The following CFAP54 variants were observed in gnomAD, a reference collection of about 807,000 sequenced individuals.
The protein encoded by CFAP54 is cilia and flagella associated protein 54.
Under a neutral mutation model 370.4 loss-of-function variants are expected in CFAP54, and 290 were observed. The ratio of observed to expected loss-of-function variants is 0.78; its 90% confidence interval spans 0.71 to 0.86. CFAP54 has a LOEUF of 0.86. Ranked by LOEUF, CFAP54 falls within the 40% of genes least tolerant of loss-of-function variation. CFAP54 has a pLI of 0.00. For synonymous variants in CFAP54, 1,206 were observed against 1,236.5 expected (o/e 0.98, Z 0.52); for missense variants, 3,399 against 3,528.7 (o/e 0.96, Z 0.93).
At position 96,503,941 on chromosome 12, in the gene CFAP54, C is replaced by A. The variant is rs892032187; in HGVS notation, c.479C>A (p.Thr160Asn). ...GGAAGATATCTTCAGCAGTTCAATA[C>A]CAATTTTGATGAGAATAAAGTGGAT... ...CYGRYLQQFN[T>N]NFDENKVDVT... The change falls in exon 3 of 68, where the codon ACC becomes AAC. Residue 160 changes from threonine to asparagine, a missense_variant. This residue lies in a region of CFAP54 where 559 missense variants were observed against 576.7 expected (regional missense o/e 0.97). Transcript: ENST00000524981. The A allele has an allele frequency of 5.8e-5, 88 of 1,527,632 alleles. No homozygotes were observed. Among genetic ancestry groups the A allele is most frequent in the Non-Finnish European group, 7.5e-5 (86 of 1,143,734 alleles). The allele number at this position is 1,527,632 out of a possible 1,614,324, so 94.6% of individuals were successfully genotyped here.
At chr12:96,690,396 A>C (rs898812438) in intron 43 of CFAP54, among the ~76,000 whole-genome samples, 1 of 152,226 alleles carries the variant, frequency 6.6e-6, no homozygotes, top group Non-Finnish European at 1.5e-5. Flanking sequence ...AGAAATTCTA[A>C]TTGTTAAAAT....
intron 29 of CFAP54, 63 bp downstream of exon 29, chr12:96,625,870 T>G: frequency 7.9e-7 from 1 of 1,260,578 alleles, no homozygotes; most frequent in Non-Finnish European, 1.1e-6. Flanking sequence ...ATTAATTCTG[T>G]GGATTTTGTT....
chr12:96,721,303 G>C (rs574919158), intron 50 of CFAP54, among the ~76,000 whole-genome samples: 1 of 152,284 alleles, frequency 6.6e-6, no homozygotes, highest in East Asian at 1.9e-4. Flanking sequence ...GTTGTAGGTA[G>C]CTAATTATTT....
At chr12:96,604,837 G>A (rs191253168) in intron 26 of CFAP54, among the ~76,000 whole-genome samples, 11 of 152,346 alleles carry the variant, frequency 7.2e-5, no homozygotes, top group South Asian at 6.2e-4. Context: ...TGGGAAAAGC[G>A]CAGTATTTGG....
In CFAP54 at chr12:96,591,842, G is replaced by A. The variant is rs377307814; in HGVS notation, c.3213-648G>A. Among the ~76,000 whole-genome samples the A allele has an allele frequency of 4.7e-4, 70 of 149,552 alleles. 1 individual carries two copies. In the East Asian group the frequency reaches 0.013, roughly 28 times the overall value. ...GGAGGCGGAGCTTGCAGTGAGTCGA[G>A]ATCGCGCCACTGCACTCCAGCCTGG... is the stretch of plus-strand genomic sequence containing the variant. On this transcript the variant is annotated intron_variant, in intron 23 of 67. Transcript: ENST00000524981.
intron 55 of CFAP54, among the ~76,000 whole-genome samples, chr12:96,744,638 C>A (rs756263289): frequency 3.3e-5 from 5 of 152,134 alleles, no homozygotes; most frequent in Non-Finnish European, 7.4e-5. Flanking sequence ...GTACTTACAT[C>A]TTTAAAAATG....
intron 45 of CFAP54, 127 bp from the exon 46 acceptor site, chr12:96,699,844 A>T (rs1957473317): frequency 2.8e-6 from 2 of 712,828 alleles, no homozygotes; most frequent in East Asian, 5.4e-5. Flanking sequence ...ACATTAATTC[A>T]TAATGCATTA....
intron 50 of CFAP54, among the ~76,000 whole-genome samples, chr12:96,730,675 T>C (rs975692965): frequency 3.3e-5 from 5 of 152,184 alleles, no homozygotes; most frequent in African/African-American, 4.8e-5. Context: ...AAATTGAAAT[T>C]TGGAAGAGGA....
At chr12:96,783,069 A>G (rs1958595722) in intron 60 of CFAP54, among the ~76,000 whole-genome samples, 1 of 152,230 alleles carries the variant, frequency 6.6e-6, no homozygotes, top group Non-Finnish European at 1.5e-5. Flanking sequence ...AAAGAAAATC[A>G]TAGGTAAATG....
chr12:96,717,091 AGAG>A (rs1957691306), intron 48 of CFAP54, among the ~76,000 whole-genome samples: 1 of 152,156 alleles, frequency 6.6e-6, no homozygotes, highest in Admixed American at 6.5e-5. Flanking sequence ...TTTTTATTCT[AGAG>A]GAGAACACTC....
intron 66 of CFAP54, among the ~76,000 whole-genome samples, chr12:96,837,436 A>G (rs1337253511): frequency 2.0e-5 from 3 of 152,004 alleles, no homozygotes; most frequent in Non-Finnish European, 4.4e-5. Context: ...CTTTTCATCA[A>G]TTTCCTCTCC....
At chr12:96,785,125 A>G (rs562450971) in intron 61 of CFAP54, among the ~76,000 whole-genome samples, 5 of 152,334 alleles carry the variant, frequency 3.3e-5, no homozygotes, top group African/African-American at 9.6e-5. Context: ...GTTTAAAAAC[A>G]TCATGATAAG....
At chr12:96,781,612 G>T in intron 60 of CFAP54, among the ~76,000 whole-genome samples, 1 of 152,078 alleles carries the variant, frequency 6.6e-6, no homozygotes, top group East Asian at 1.9e-4. Context: ...AGGCCATAAA[G>T]GTGTGCAGGT....
At chr12:96,492,986 C>CTCTG in intron 1 of CFAP54, among the ~76,000 whole-genome samples, 1 of 143,168 alleles carries the variant, frequency 7.0e-6, no homozygotes, top group East Asian at 2.0e-4. Flanking sequence ...CAGAATGAGA[C>CTCTG]TCTGTCTCAA....
intron 17 of CFAP54, among the ~76,000 whole-genome samples, chr12:96,564,170 T>A (rs955081537): frequency 6.6e-6 from 1 of 152,310 alleles, no homozygotes; most frequent in East Asian, 1.9e-4. Flanking sequence ...AAAGGTAAAG[T>A]CAACAGAAGT....
Position 96,658,052 on chromosome 12 carries a change from G to T in CFAP54, c.5271G>T (p.Val1757=), listed in dbSNP as rs1212103353. ...VLKSLEVLYQ[V]EKWETLVSLA... is the part of the protein sequence containing the mutation. ...AATCTCTGGAAGTTTTATATCAAGTGGAAAAATGGGAAACACTAGTATCTC... is the reference window on the plus strand; with the variant it reads ...AATCTCTGGAAGTTTTATATCAAGTTGAAAAATGGGAAACACTAGTATCTC... Residue 1757 remains valine (V), a synonymous_variant, in exon 37 of 68, where the codon GTG becomes GTT. Coordinates refer to ENST00000524981, the MANE Select transcript of CFAP54 (RefSeq NM_001306084.2). 1.9e-6 allele frequency: 3 copies of T among 1,613,308 alleles called. No homozygotes were observed. In the East Asian group the frequency reaches 6.7e-5, roughly 36 times the overall value.
chr12:96,797,153 T>G (rs1003026032), intron 63 of CFAP54, among the ~76,000 whole-genome samples: 1 of 152,176 alleles, frequency 6.6e-6, no homozygotes, highest in East Asian at 1.9e-4. Flanking sequence ...TAGTTATCTT[T>G]TGTTATCTAT....
At chr12:96,507,717 T>TATTGACA (rs1955123252) in intron 4 of CFAP54, among the ~76,000 whole-genome samples, 2 of 152,214 alleles carry the variant, frequency 1.3e-5, no homozygotes, top group Non-Finnish European at 2.9e-5. Context: ...GTGTTCGATG[T>TATTGACA]GCATAAGACA....
At chr12:96,806,933 C>A (rs879284098) in intron 63 of CFAP54, among the ~76,000 whole-genome samples, 1 of 152,154 alleles carries the variant, frequency 6.6e-6, no homozygotes, top group Non-Finnish European at 1.5e-5. Context: ...GAAATGTAGA[C>A]TCTCAATTCA....
Sources: gnomAD v4.1 joint callset for allele counts (sites outside exome capture counted in the v4.1 genomes callset) on GRCh38, gnomAD v4.1.1 for gene constraint, gnomAD v4.1.1 regional missense constraint, MANE v1.5 for transcripts, NCBI Gene and HGNC (gene_info 2026-07-23, HGNC 2026-07-21) for gene names.